The following TMEM244 variants were observed in gnomAD, a reference collection of about 807,000 sequenced individuals.
The protein encoded by TMEM244 is transmembrane protein 244, also known as putative transmembrane protein 244.
TMEM244 carries 13 observed loss-of-function variants against 15.8 expected under a neutral mutation model. That is an observed-to-expected ratio of 0.82 (90% CI 0.53 to 1.30). The LOEUF is 1.30. TMEM244 is among the 50% of genes most tolerant of loss of function. The pLI, the probability that TMEM244 is intolerant of heterozygous loss-of-function variation, is 0.00. For synonymous variants in TMEM244, 45 were observed against 48.7 expected (o/e 0.92, Z 0.32); for missense variants, 161 against 144.9 (o/e 1.11, Z -0.57).
rs570738238 is a variant in TMEM244 at position 129,849,867 on chromosome 6, TTA to T, written c.34-4017_34-4016del. Among the ~76,000 whole-genome samples the T allele has an allele frequency of 2.9e-4, 44 of 152,030 alleles. No homozygotes were observed. The South Asian group carries it at 6.2e-3, about 22-fold the overall frequency. On this transcript the variant is annotated intron_variant, in intron 1 of 4. Coordinates refer to ENST00000368143, the MANE Select transcript of TMEM244 (RefSeq NM_001010876.2). Reference sequence around the variant, plus strand: ...GAGACGCCAGCAGAGAATGGGTGGGTTATGTGTGTGTGTATGTGTGCCTCCGT... The same window carrying T: ...GAGACGCCAGCAGAGAATGGGTGGGTTGTGTGTGTGTATGTGTGCCTCCGT...
intron 2 of TMEM244, among the ~76,000 whole-genome samples, chr6:129,845,042 A>C (rs1776542978): frequency 6.6e-6 from 1 of 152,228 alleles, no homozygotes. Flanking sequence ...ACAAAAAATT[A>C]CCTGAAAAAT....
chr6:129,835,536 A>G (rs1440397903), intron 3 of TMEM244, among the ~76,000 whole-genome samples: 1 of 152,124 alleles, frequency 6.6e-6, no homozygotes, highest in Non-Finnish European at 1.5e-5. Context: ...TACCTGGTTC[A>G]TCTCATTGGG....
rs964251332 is a variant in TMEM244, at chr6:129,847,333, G to A, written c.34-1481C>T. ...AGAATCTTAAAGCCATTTTTGCTTA[G>A]CCCACACTCCAACACCTTAGGATTA... On this transcript the variant is annotated intron_variant, in intron 1 of 4. Coordinates refer to ENST00000368143, the MANE Select transcript of TMEM244 (RefSeq NM_001010876.2). Among the ~76,000 whole-genome samples, 9 of 151,988 alleles carry A rather than the reference G, an allele frequency of 5.9e-5. No homozygotes were observed. In the East Asian group the frequency reaches 1.7e-3, roughly 29 times the overall value.
chr6:129,849,721 G>A lies in TMEM244; in HGVS notation c.34-3869C>T, dbSNP rs115861560. Among the ~76,000 whole-genome samples, 236 of 152,194 alleles carry A rather than the reference G, an allele frequency of 1.6e-3. 1 individual carries two copies. The highest frequency in any genetic ancestry group is 5.3e-3 in the African/African-American group (219 of 41,522). ...GTTCCCAGCTGATGCTGAGTCAGCT[G>A]TACCTATTACCACACTTTGAGAACT... On this transcript the variant is annotated intron_variant, in intron 1 of 4. Transcript: ENST00000368143.
intron 3 of TMEM244, among the ~76,000 whole-genome samples, chr6:129,838,271 A>G (rs1229666465): frequency 6.6e-6 from 1 of 152,228 alleles, no homozygotes; most frequent in Non-Finnish European, 1.5e-5. Flanking sequence ...AGAACTCAGG[A>G]TTAAGAAACT....
At chr6:129,844,172 G>A (rs552142428) in intron 2 of TMEM244, among the ~76,000 whole-genome samples, 1 of 152,172 alleles carries the variant, frequency 6.6e-6, no homozygotes, top group South Asian at 2.1e-4. Context: ...AAAGTGAAGT[G>A]AGCTAAAAAG....
chr6:129,844,404 G>C (rs1222115529), intron 2 of TMEM244, among the ~76,000 whole-genome samples: 1 of 152,136 alleles, frequency 6.6e-6, no homozygotes, highest in Non-Finnish European at 1.5e-5. Flanking sequence ...TTCTAATCCT[G>C]GTGGTGCTAT....
chr6:129,856,445 A>C (rs746468122), intron 1 of TMEM244, among the ~76,000 whole-genome samples: 18 of 152,160 alleles, frequency 1.2e-4, no homozygotes, highest in Non-Finnish European at 2.1e-4. Context: ...TAGAGCTTGC[A>C]TTAAGTATTC....
chr6:129,854,305 G>T (rs1404804564), intron 1 of TMEM244, among the ~76,000 whole-genome samples: 1 of 152,154 alleles, frequency 6.6e-6, no homozygotes, highest in African/African-American at 2.4e-5. Context: ...AGGAGAATCA[G>T]TTATGATTGG....
At chr6:129,833,678 A>T in intron 3 of TMEM244, 93 bp from the exon 4 acceptor site, 1 of 1,322,354 alleles carries the variant, frequency 7.6e-7, no homozygotes, top group South Asian at 1.5e-5. Flanking sequence ...GCTTACTTTG[A>T]GAATAAATTT....
chr6:129,849,667 C>T (rs1325292892), intron 1 of TMEM244, among the ~76,000 whole-genome samples: 1 of 152,152 alleles, frequency 6.6e-6, no homozygotes, highest in Non-Finnish European at 1.5e-5. Flanking sequence ...AATTCTGGGA[C>T]AGGCTCCAGG....
Position 129,861,211 on chromosome 6 carries a change from G to A in TMEM244, c.-23C>T, listed in dbSNP as rs569025622. 10 of 1,613,438 alleles carry A rather than the reference G, an allele frequency of 6.2e-6. 1 individual carries two copies. The South Asian group carries it at 9.9e-5, about 16-fold the overall frequency. ...CATGTACACATCCTACGTCAAGGAGGTGATGAAAGCCCCACTCCTTATAGC... is the reference window on the plus strand; with the variant it reads ...CATGTACACATCCTACGTCAAGGAGATGATGAAAGCCCCACTCCTTATAGC... On this transcript the variant is annotated 5_prime_UTR_variant, in exon 1 of 5. Transcript: ENST00000368143.
intron 2 of TMEM244, 134 bp from the exon 3 acceptor site, chr6:129,843,737 C>G: frequency 1.7e-6 from 1 of 573,098 alleles, no homozygotes; most frequent in Non-Finnish European, 3.1e-6. Flanking sequence ...CATTTCAAAA[C>G]TGGCTGGAAT....
intron 3 of TMEM244, among the ~76,000 whole-genome samples, chr6:129,836,667 A>G (rs1776413066): frequency 6.6e-6 from 1 of 152,194 alleles, no homozygotes; most frequent in Non-Finnish European, 1.5e-5. Flanking sequence ...CAAGGAAGCT[A>G]AAAACCTTGA....
chr6:129,843,890 G>C (rs1365718337), intron 2 of TMEM244, among the ~76,000 whole-genome samples: 1 of 152,150 alleles, frequency 6.6e-6, no homozygotes, highest in South Asian at 2.1e-4. Context: ...CGGTATAAAG[G>C]TAACAAGGGA....
intron 1 of TMEM244, among the ~76,000 whole-genome samples, chr6:129,848,471 T>A (rs372993195): frequency 6.6e-6 from 1 of 152,184 alleles, no homozygotes; most frequent in Admixed American, 6.5e-5. Context: ...AAAGAAAAAT[T>A]GGAGTTCTAT....
At chr6:129,837,066 T>C (rs1776419174) in intron 3 of TMEM244, among the ~76,000 whole-genome samples, 2 of 151,882 alleles carry the variant, frequency 1.3e-5, no homozygotes, top group African/African-American at 4.8e-5. Flanking sequence ...ATTCAGAAAA[T>C]AGAGAGACAC....
At chr6:129,836,482 T>C (rs1222651316) in intron 3 of TMEM244, among the ~76,000 whole-genome samples, 1 of 151,984 alleles carries the variant, frequency 6.6e-6, no homozygotes, top group African/African-American at 2.4e-5. Context: ...GAAGAAAAGC[T>C]GAAAATTTTA....
At chr6:129,838,123 T>C (rs1356658763) in intron 3 of TMEM244, among the ~76,000 whole-genome samples, 2 of 152,224 alleles carry the variant, frequency 1.3e-5, no homozygotes, top group African/African-American at 4.8e-5. Context: ...ATATACATTC[T>C]TCTCAGCACC....
Sources: allele counts gnomAD v4.1 joint callset (sites outside exome capture counted in the v4.1 genomes callset), GRCh38; gene constraint gnomAD v4.1.1; transcripts MANE v1.5; gene names NCBI Gene and HGNC (gene_info 2026-07-23, HGNC 2026-07-21).